Variants in REXO2 observed in about 807,000 individuals in gnomAD.
The protein encoded by REXO2 is oligoribonuclease, mitochondrial.
In REXO2, 17 loss-of-function variants were observed where a neutral mutation model predicts 30.9. The ratio of observed to expected loss-of-function variants is 0.55; its 90% confidence interval spans 0.38 to 0.82. The LOEUF (loss-of-function observed/expected upper bound fraction) is 0.82. Ranked by LOEUF, REXO2 falls within the 40% of genes least tolerant of loss-of-function variation. The pLI is 0.00. For missense variants in REXO2, 253 were observed against 293.2 expected (o/e 0.86, Z 1.00); for synonymous variants, 105 against 99.6 (o/e 1.05, Z -0.32).
chr11:114,439,965 C>T (rs796135990), intron 1 of REXO2, among the ~76,000 whole-genome samples: 9 of 152,290 alleles, frequency 5.9e-5, no homozygotes, highest in African/African-American at 1.9e-4. Flanking sequence ...TCTGGCGTCT[C>T]TGGGCTTGGG....
chr11:114,440,507 A>G (rs1003199705), intron 1 of REXO2, 149 bp from the exon 2 acceptor site: 2 of 617,416 alleles, frequency 3.2e-6, no homozygotes, highest in Non-Finnish European at 5.7e-6. Context: ...TAGTACCTTC[A>G]GTAGTTGCCC....
intron 2 of REXO2, 155 bp downstream of exon 2, chr11:114,440,894 A>G (rs1334825272): frequency 2.0e-6 from 1 of 505,514 alleles, no homozygotes; most frequent in Non-Finnish European, 3.5e-6. Context: ...TACTAGAACC[A>G]AAGTAATCCA....
In REXO2 at chr11:114,446,017, T is replaced by C; in HGVS notation, c.460T>C (p.Tyr154His). The C allele has an allele frequency of 6.2e-7, 1 of 1,610,100 alleles. No homozygotes were observed. Among genetic ancestry groups the C allele is most frequent in the Non-Finnish European group, 8.5e-7 (1 of 1,177,014 alleles). ...TGAAGATAAGAAGTTTCTTGACAAA[T>C]ACATGCCCCAGTTCATGAAACATCT... is the stretch of plus-strand genomic sequence containing the variant. Reference protein sequence around the residue: ...VHEDKKFLDKYMPQFMKHLHY... With the variant: ...VHEDKKFLDKHMPQFMKHLHY... The change falls in exon 5 of 7, where the codon TAC (tyrosine) becomes CAC (histidine). Residue 154 changes from tyrosine to histidine, a missense_variant. Coordinates refer to ENST00000265881, the MANE Select transcript of REXO2 (RefSeq NM_015523.4).
At position 114,447,817 on chromosome 11, in the gene REXO2, T is replaced by C; in HGVS notation, c.531-9T>C. Reference sequence around the variant, plus strand: ...CTTCCTTTGAGAGTTCCATTTCTGCTGTGTATAGACGCTGGTATCCAGAAG... The same window carrying C: ...CTTCCTTTGAGAGTTCCATTTCTGCCGTGTATAGACGCTGGTATCCAGAAG... On this transcript the variant is annotated splice_polypyrimidine_tract_variant and intron_variant, in intron 5 of 6. Transcript: ENST00000265881. The C allele has an allele frequency of 1.2e-6, 2 of 1,610,848 alleles. No homozygotes were observed. The highest frequency in any genetic ancestry group is 1.1e-5 in the South Asian group (1 of 90,524).
chr11:114,440,879 G>A, intron 2 of REXO2, 140 bp downstream of exon 2: 2 of 576,064 alleles, frequency 3.5e-6, no homozygotes, highest in South Asian at 5.0e-5. Flanking sequence ...TCATGGTAGG[G>A]GTGGTACTAG....
rs1437342454 is a variant in REXO2, at chr11:114,444,125, T to C, written c.309+192T>C. On this transcript the variant is annotated intron_variant, in intron 3 of 6. Coordinates refer to ENST00000265881, the MANE Select transcript of REXO2 (RefSeq NM_015523.4). ...CCTCTCGAGATCATCTTCTCCTGAA[T>C]GTCCTCTTTTTTTTCTCTCCTACAT... 1.1e-5 allele frequency: 7 copies of C among 663,530 alleles called. No homozygotes were observed. In the East Asian group the frequency reaches 2.1e-4, roughly 20 times the overall value. 41.1% of individuals were successfully genotyped at this position (663,530 alleles called of 1,614,324 possible).
In REXO2 at chr11:114,450,027, G is replaced by GTT; in HGVS notation, c.*60_*61dup. ...CGTTATCTGGAGGCAACTTCTGGTG[G>GTT]TTTTTTTTTCTCACGCTGATGGCTT... On this transcript the variant is annotated 3_prime_UTR_variant, in exon 7 of 7. Coordinates refer to ENST00000265881, the MANE Select transcript of REXO2 (RefSeq NM_015523.4). The GTT allele has an allele frequency of 5.3e-6, 8 of 1,509,582 alleles. No individual in the cohort carries two copies. Among genetic ancestry groups the GTT allele is most frequent in the African/African-American group, 1.4e-5 (1 of 69,758 alleles). The allele number at this position is 1,509,582 out of a possible 1,614,324, so 93.5% of individuals were successfully genotyped here. A position where few individuals can be genotyped will look rare whatever the true frequency, so the allele number is the denominator to read the frequency against.
At chr11:114,442,878 T>C (rs756209397) in intron 2 of REXO2, among the ~76,000 whole-genome samples, 3 of 152,194 alleles carry the variant, frequency 2.0e-5, no homozygotes, top group Non-Finnish European at 2.9e-5. Context: ...ATTACCTCTT[T>C]AATTTTTTTT....
rs572034095 is a variant in REXO2, at chr11:114,443,797, T to C, written c.232-59T>C. ...TCCTTAAAACAGCTTAAGCTTTCCC[T>C]CTGAAAGTAAGGTTATTCCTGTTGT... On this transcript the variant is annotated intron_variant, in intron 2 of 6. Transcript: ENST00000265881. 5.5e-6 allele frequency: 7 copies of C among 1,279,792 alleles called. No individual in the cohort carries two copies. The East Asian group carries it at 1.2e-4, about 22-fold the overall frequency. The allele number at this position is 1,279,792 out of a possible 1,614,324, so 79.3% of individuals were successfully genotyped here.
rs140355874 is a variant in REXO2, at chr11:114,445,996, G to A, written c.439G>A (p.Asp147Asn). 90 of 1,596,976 alleles carry A rather than the reference G, an allele frequency of 5.6e-5. No individual in the cohort carries two copies. Among genetic ancestry groups the A allele is most frequent in the Non-Finnish European group, 7.5e-5 (87 of 1,165,112 alleles). ...CTTTCTAGGAAATTCAGTTCATGAAGATAAGAAGTTTCTTGACAAATACAT... is the reference window on the plus strand; with the variant it reads ...CTTTCTAGGAAATTCAGTTCATGAAAATAAGAAGTTTCTTGACAAATACAT... The part of the protein sequence containing the change: ...CPLAGNSVHE[D>N]KKFLDKYMPQ... The change falls in exon 5 of 7, where the codon GAT (aspartate) becomes AAT (asparagine). Residue 147 changes from aspartate (D) to asparagine (N), a missense_variant. Asp to Asn is a conservative substitution (Grantham distance 23). Coordinates refer to ENST00000265881, the MANE Select transcript of REXO2 (RefSeq NM_015523.4).
intron 4 of REXO2, 83 bp downstream of exon 4, chr11:114,444,735 C>G (rs1352680828): frequency 1.3e-6 from 1 of 778,370 alleles, no homozygotes; most frequent in Non-Finnish European, 1.9e-6. Flanking sequence ...ACTAGCCGAG[C>G]CCATCCATGT....
intron 6 of REXO2, 98 bp downstream of exon 6, chr11:114,447,977 G>A (rs1036099934): frequency 3.3e-6 from 3 of 907,834 alleles, no homozygotes; most frequent in Non-Finnish European, 5.2e-6. Flanking sequence ...CTTTTTTCTC[G>A]GGGAAAAGAT....
chr11:114,447,002 G>C (rs921918666), intron 5 of REXO2, among the ~76,000 whole-genome samples: 4 of 146,786 alleles, frequency 2.7e-5, no homozygotes, highest in Non-Finnish European at 5.9e-5. Context: ...GCTGTGGCGC[G>C]ATCTCCGCTC....
chr11:114,439,733 A>T (rs1033936788), intron 1 of REXO2, 58 bp downstream of exon 1: 2 of 1,436,938 alleles, frequency 1.4e-6, no homozygotes, highest in Non-Finnish European at 1.8e-6. Flanking sequence ...CGTGGAACCG[A>T]GGAGTCGAGC....
At chr11:114,441,481 G>C (rs1211753118) in intron 2 of REXO2, among the ~76,000 whole-genome samples, 1 of 152,190 alleles carries the variant, frequency 6.6e-6, no homozygotes, top group Non-Finnish European at 1.5e-5. Flanking sequence ...AAACACACCT[G>C]CTGCATTTCA....
chr11:114,446,233 CCT>C (rs1946509113), intron 5 of REXO2, 146 bp downstream of exon 5: 1 of 479,360 alleles, frequency 2.1e-6, no homozygotes, highest in Non-Finnish European at 3.7e-6. Context: ...TTGTATAGGA[CCT>C]TAACTTACCC....
chr11:114,439,668 A>G lies in REXO2; in HGVS notation c.140A>G (p.Asp47Gly). ...ESMAQRMVWVDLEMTGLDIEK... is the reference protein window; with the variant it reads ...ESMAQRMVWVGLEMTGLDIEK... The stretch of plus-strand genomic sequence containing the variant: ...ATGGCTCAGCGGATGGTCTGGGTGG[A>G]CCTGGAGGTGAGTGAGGTCGGCGGG... The change falls in exon 1 of 7, where the codon GAC (aspartate) becomes GGC (glycine). Residue 47 changes from aspartate (D) to glycine (G), a missense_variant. By Grantham distance (94) the Asp-to-Gly change is moderately conservative. Transcript: ENST00000265881. 1 of 1,532,740 alleles carries G rather than the reference A, an allele frequency of 6.5e-7. No individual in the cohort carries two copies. Among genetic ancestry groups the G allele is most frequent in the Non-Finnish European group, 8.7e-7 (1 of 1,144,512 alleles). 94.9% of individuals were successfully genotyped at this position (1,532,740 alleles called of 1,614,324 possible).
At position 114,440,639 on chromosome 11, in the gene REXO2, T is replaced by C; in HGVS notation, c.148-17T>C. 6.3e-7 allele frequency: 1 copy of C among 1,589,464 alleles called. No homozygotes were observed. Among genetic ancestry groups the C allele is most frequent in the East Asian group, 2.2e-5 (1 of 44,746 alleles). ...ATGATGGCTTTGTGTGTGTTATATA[T>C]TTATTTTTAATTGCAGATGACAGGA... On this transcript the variant is annotated splice_polypyrimidine_tract_variant and intron_variant, in intron 1 of 6. Coordinates refer to ENST00000265881, the MANE Select transcript of REXO2 (RefSeq NM_015523.4).
chr11:114,440,538 T>G (rs1171333395), intron 1 of REXO2, 118 bp from the exon 2 acceptor site: 3 of 721,394 alleles, frequency 4.2e-6, no homozygotes, highest in Non-Finnish European at 7.0e-6. Flanking sequence ...CTTTCTCTTC[T>G]GTTTCGGCTA....
Sources: gnomAD v4.1 joint callset for allele counts (sites outside exome capture counted in the v4.1 genomes callset) on GRCh38, gnomAD v4.1.1 for gene constraint, MANE v1.5 for transcripts, NCBI Gene and HGNC (gene_info 2026-07-23, HGNC 2026-07-21) for gene names.